Variants in TMEM132D observed in about 807,000 individuals in gnomAD.
TMEM132D encodes transmembrane protein 132D, also known as mature OL transmembrane protein.
A neutral mutation model predicts 62.3 loss-of-function variants in TMEM132D; 21 were observed. The observed-to-expected ratio is 0.34, with a 90% CI of 0.24 to 0.49. The LOEUF (loss-of-function observed/expected upper bound fraction) is 0.49, where lower values mean the gene tolerates loss of function less well. TMEM132D is among the 20% of genes least tolerant of loss of function. TMEM132D has a pLI of 0.99. For missense variants in TMEM132D, 1,346 were observed against 1,402.8 expected (o/e 0.96, Z 0.65); for synonymous variants, 621 against 575.6 (o/e 1.08, Z -1.13).
chr12:129,599,835 T>G (rs1878439547), intron 2 of TMEM132D, among the ~76,000 whole-genome samples: 1 of 152,224 alleles, frequency 6.6e-6, no homozygotes, highest in African/African-American at 2.4e-5. Context: ...TAAAAATACT[T>G]TATTGCTAAA....
chr12:129,379,883 A>C (rs2135686191), intron 3 of TMEM132D, among the ~76,000 whole-genome samples: 1 of 152,314 alleles, frequency 6.6e-6, no homozygotes, highest in South Asian at 2.1e-4. Flanking sequence ...GGGTCATGAT[A>C]ATTTACATTT....
intron 2 of TMEM132D, among the ~76,000 whole-genome samples, chr12:129,657,313 T>C (rs929664439): frequency 1.3e-5 from 2 of 152,166 alleles, no homozygotes; most frequent in African/African-American, 4.8e-5. Flanking sequence ...CTGGCACTGG[T>C]AAGTCAGGGA....
At chr12:129,684,611 G>C (rs1880862366) in intron 2 of TMEM132D, among the ~76,000 whole-genome samples, 1 of 152,048 alleles carries the variant, frequency 6.6e-6, no homozygotes, top group Non-Finnish European at 1.5e-5. Context: ...CTGGGTAACA[G>C]ATAGAGATTG....
At chr12:129,665,032 C>T (rs1425429258) in intron 2 of TMEM132D, among the ~76,000 whole-genome samples, 1 of 152,148 alleles carries the variant, frequency 6.6e-6, no homozygotes, top group Admixed American at 6.5e-5. Flanking sequence ...ACACGCTTAA[C>T]TACTACCACA....
intron 2 of TMEM132D, among the ~76,000 whole-genome samples, chr12:129,673,487 A>G (rs942649199): frequency 6.6e-6 from 1 of 152,208 alleles, no homozygotes; most frequent in Non-Finnish European, 1.5e-5. Context: ...TCAGCCATGT[A>G]CCAATCTGAA....
chr12:129,130,423 C>A (rs540768611), intron 5 of TMEM132D, among the ~76,000 whole-genome samples: 88 of 152,112 alleles, frequency 5.8e-4, no homozygotes, highest in Non-Finnish European at 1.2e-3. Context: ...CCTGACTCTG[C>A]CCCTCCCTTC....
chr12:129,214,302 T>C (rs943361869), intron 4 of TMEM132D, among the ~76,000 whole-genome samples: 4 of 152,236 alleles, frequency 2.6e-5, no homozygotes, highest in African/African-American at 9.6e-5. Context: ...AATTTCCTCA[T>C]GTTTCTGGTA....
chr12:129,443,753 A>G (rs537424318), intron 3 of TMEM132D, among the ~76,000 whole-genome samples: 2 of 152,302 alleles, frequency 1.3e-5, no homozygotes, highest in South Asian at 4.1e-4. Flanking sequence ...CACGTAGTTC[A>G]GAGGATGTGT....
At chr12:129,390,474 T>G (rs947222029) in intron 3 of TMEM132D, among the ~76,000 whole-genome samples, 1 of 152,216 alleles carries the variant, frequency 6.6e-6, no homozygotes, top group Admixed American at 6.5e-5. Context: ...AACAGCTTTC[T>G]GATCTTTCTG....
At chr12:129,165,095 C>T (rs566705343) in intron 5 of TMEM132D, among the ~76,000 whole-genome samples, 22 of 152,304 alleles carry the variant, frequency 1.4e-4, no homozygotes, top group African/African-American at 4.8e-4. Context: ...AAAAATATGG[C>T]ATGGAATGGA....
chr12:129,567,596 A>G (rs780543072), intron 2 of TMEM132D, among the ~76,000 whole-genome samples: 13 of 152,322 alleles, frequency 8.5e-5, no homozygotes, highest in Non-Finnish European at 1.5e-4. Flanking sequence ...TTTAGCTGGT[A>G]TCTGCTAAGT....
intron 4 of TMEM132D, among the ~76,000 whole-genome samples, chr12:129,316,795 C>A (rs191122144): frequency 2.7e-5 from 4 of 146,492 alleles, no homozygotes; most frequent in African/African-American, 7.3e-5. Flanking sequence ...TTTCTTAGGT[C>A]TATTAGTAAT....
intron 2 of TMEM132D, among the ~76,000 whole-genome samples, chr12:129,587,375 C>T (rs1466129001): frequency 6.6e-6 from 1 of 152,094 alleles, no homozygotes; most frequent in African/African-American, 2.4e-5. Context: ...TAAGGATACA[C>T]ACTGGGCCTA....
chr12:129,396,040 C>T (rs907085266), intron 3 of TMEM132D, among the ~76,000 whole-genome samples: 5 of 146,836 alleles, frequency 3.4e-5, no homozygotes, highest in African/African-American at 1.2e-4. Flanking sequence ...TATAGCTATA[C>T]ACTATATAGA....
intron 1 of TMEM132D, among the ~76,000 whole-genome samples, chr12:129,900,437 G>A (rs1178493626): frequency 1.3e-5 from 2 of 152,186 alleles, no homozygotes; most frequent in South Asian, 2.1e-4. Context: ...GGCAGAGCAC[G>A]TGCCCAGCGC....
At chr12:129,643,583 TC>T (rs1161416597) in intron 2 of TMEM132D, among the ~76,000 whole-genome samples, 2 of 152,126 alleles carry the variant, frequency 1.3e-5, no homozygotes, top group African/African-American at 4.8e-5. Flanking sequence ...GGAAAATCAA[TC>T]TTGGGGCCCC....
intron 2 of TMEM132D, among the ~76,000 whole-genome samples, chr12:129,535,777 C>CGT (rs779067793): frequency 0.055 from 4,068 of 74,578 alleles, 60 homozygotes; most frequent in South Asian, 0.094. Context: ...GATTTGTGTG[C>CGT]GTGTGTGTGT....
intron 1 of TMEM132D, among the ~76,000 whole-genome samples, chr12:129,851,745 T>C (rs1427528884): frequency 6.6e-5 from 10 of 152,308 alleles, no homozygotes; most frequent in Non-Finnish European, 8.8e-5. Flanking sequence ...ACTGTCTATG[T>C]CAGGGGCCAG....
chr12:129,347,156 C>A lies in TMEM132D; in HGVS notation c.1116-9339G>T, dbSNP rs1208180423. ...CCCAAAGTAATTTACAGATTCAATG[C>A]TATCCCCATCAAGCTACCATTGACT... is the stretch of plus-strand genomic sequence containing the variant. On this transcript the variant is annotated intron_variant, in intron 3 of 8. Transcript: ENST00000422113. Among the ~76,000 whole-genome samples, 3 of 152,134 alleles carry A rather than the reference C, an allele frequency of 2.0e-5. No individual in the cohort carries two copies. The South Asian group carries it at 6.2e-4, about 32-fold the overall frequency.
Sources: allele counts gnomAD v4.1 joint callset (sites outside exome capture counted in the v4.1 genomes callset), GRCh38; gene constraint gnomAD v4.1.1; transcripts MANE v1.5; gene names NCBI Gene and HGNC (gene_info 2026-07-23, HGNC 2026-07-21).